Variants in GRIP2 observed in about 807,000 individuals in gnomAD.
GRIP2 encodes glutamate receptor interacting protein 2.
A neutral mutation model predicts 108.3 loss-of-function variants in GRIP2; 58 were observed. The ratio of observed to expected loss-of-function variants is 0.54; its 90% CI spans 0.43 to 0.67. The LOEUF (loss-of-function observed/expected upper bound fraction) is 0.67, where lower values mean the gene tolerates loss of function less well. Ranked by LOEUF, GRIP2 falls within the 30% of genes least tolerant of loss-of-function variation. The pLI is 0.00. For synonymous variants in GRIP2, 586 were observed against 598.2 expected (o/e 0.98, Z 0.30); for missense variants, 1,278 against 1,430.6 (o/e 0.89, Z 1.72).
chr3:14,537,269 G>C (rs750866079), intron 1 of GRIP2, among the ~76,000 whole-genome samples: 1 of 152,110 alleles, frequency 6.6e-6, no homozygotes, highest in Non-Finnish European at 1.5e-5. Context: ...CAGCTCCTTC[G>C]GGAACTTGTA....
chr3:14,582,564 A>T, the GRIP2 span, among the ~76,000 whole-genome samples: 1 of 152,208 alleles, frequency 6.6e-6, no homozygotes, highest in Non-Finnish European at 1.5e-5. Context: ...GGGCCAACAG[A>T]TATCTGCTTC....
intron 1 of GRIP2, among the ~76,000 whole-genome samples, chr3:14,539,206 G>T (rs1004335171): frequency 6.6e-6 from 1 of 152,348 alleles, no homozygotes; most frequent in East Asian, 1.9e-4. Context: ...AAGTGGCAGT[G>T]TAGTTATGAG....
intron 19 of GRIP2, among the ~76,000 whole-genome samples, chr3:14,506,566 G>T (rs541576818): frequency 2.6e-5 from 4 of 152,238 alleles, no homozygotes; most frequent in Admixed American, 6.5e-5. Context: ...CAGCCAGCAT[G>T]GGACCCATGG....
At chr3:14,542,169 T>G (rs1457460435), upstream of GRIP2, 2 of 892,680 alleles carry the variant, frequency 2.2e-6, no homozygotes, top group African/African-American at 1.8e-5. Flanking sequence ...TTTATTTTTT[T>G]TTGTGACACA....
chr3:14,495,067 G>A, intron 22 of GRIP2, 78 bp from the exon 23 acceptor site: 2 of 1,553,120 alleles, frequency 1.3e-6, no homozygotes, highest in Non-Finnish European at 1.7e-6. Context: ...AGGTCCTTTG[G>A]TCTGGCATTC....
chr3:14,574,419 G>GCTGCGGTGT, the GRIP2 span: 2 of 736,832 alleles, frequency 2.7e-6, no homozygotes, highest in Non-Finnish European at 4.8e-6. Context: ...GGGCTGCGAG[G>GCTGCGGTGT]CTGCGGTGTC....
chr3:14,517,747 A>G (rs1422588602), intron 10 of GRIP2, 25 bp downstream of exon 10: 1 of 1,608,656 alleles, frequency 6.2e-7, no homozygotes. Flanking sequence ...AGACTGGCTG[A>G]GCTACAGCAG....
the GRIP2 span, among the ~76,000 whole-genome samples, chr3:14,601,804 C>T: frequency 6.6e-6 from 1 of 152,298 alleles, no homozygotes; most frequent in East Asian, 1.9e-4. Context: ...GAAATGGAAA[C>T]TTTCCCACTA....
chr3:14,501,079 T>C lies in GRIP2; in HGVS notation c.2679+2487A>G, dbSNP rs138850328. 6.1e-3 allele frequency among the ~76,000 whole-genome samples: 931 copies of C among 152,290 alleles called. 6 individuals carry two copies. The highest frequency in any genetic ancestry group is 0.027 in the East Asian group (142 of 5,182). On this transcript the variant is annotated intron_variant, in intron 21 of 23. Coordinates refer to ENST00000621039, the MANE Select transcript of GRIP2 (RefSeq NM_001080423.4). ...TAAAAAGGGATGAAGTACTGACACATGCCACAACATGAAGCTAAGTGAAAA... is the reference window on the plus strand; with the variant it reads ...TAAAAAGGGATGAAGTACTGACACACGCCACAACATGAAGCTAAGTGAAAA...
chr3:14,520,760 C>G (rs900086454), intron 7 of GRIP2: 10 of 576,592 alleles, frequency 1.7e-5, no homozygotes, highest in African/African-American at 1.3e-4. Context: ...GAGCTCAGGT[C>G]TGAGGGGCTG....
chr3:14,555,521 G>C (rs1051742219), intron 1 of GRIP2, among the ~76,000 whole-genome samples: 3 of 152,062 alleles, frequency 2.0e-5, no homozygotes, highest in African/African-American at 7.2e-5. Context: ...GCAGAGGCGG[G>C]GGCAGAGAAC....
the GRIP2 span, among the ~76,000 whole-genome samples, chr3:14,569,376 A>C: frequency 1.3e-5 from 2 of 152,190 alleles, no homozygotes; most frequent in African/African-American, 4.8e-5. Flanking sequence ...AGGCCAGGAG[A>C]GAGGGCACAT....
the GRIP2 span, chr3:14,574,410 G>GGCT: frequency 8.1e-6 from 6 of 743,052 alleles, no homozygotes; most frequent in Non-Finnish European, 1.2e-5. Context: ...CCGCACCTTG[G>GGCT]GCTGCGAGGC....
At chr3:14,583,882 C>G in the GRIP2 span, among the ~76,000 whole-genome samples, 1 of 152,200 alleles carries the variant, frequency 6.6e-6, no homozygotes, top group Non-Finnish European at 1.5e-5. Context: ...AGGGGCCACA[C>G]CAGCAAAGCC....
At chr3:14,590,790 G>C in the GRIP2 span, among the ~76,000 whole-genome samples, 4 of 152,238 alleles carry the variant, frequency 2.6e-5, no homozygotes, top group African/African-American at 4.8e-5. Flanking sequence ...AGTGTATAAA[G>C]GGGCTGGGTG....
chr3:14,573,356 T>C, the GRIP2 span: 15 of 1,345,494 alleles, frequency 1.1e-5, no homozygotes, highest in African/African-American at 1.7e-4. Context: ...GGTGCCACCC[T>C]GCCAGCTTCT....
the GRIP2 span, among the ~76,000 whole-genome samples, chr3:14,577,130 G>C: frequency 2.0e-5 from 3 of 152,108 alleles, no homozygotes; most frequent in African/African-American, 7.2e-5. Context: ...TTTAATGTTG[G>C]CATGGAGATT....
At chr3:14,554,604 C>T (rs1397419019) in intron 1 of GRIP2, among the ~76,000 whole-genome samples, 1 of 152,170 alleles carries the variant, frequency 6.6e-6, no homozygotes, top group East Asian at 1.9e-4. Flanking sequence ...CACCAGCTGC[C>T]CTGAGGCCAG....
At chr3:14,597,335 A>G in the GRIP2 span, among the ~76,000 whole-genome samples, 1 of 152,308 alleles carries the variant, frequency 6.6e-6, no homozygotes, top group South Asian at 2.1e-4. Context: ...GGGGAAAAAA[A>G]ATCCCCATTA....
Sources: allele counts gnomAD v4.1 joint callset (sites outside exome capture counted in the v4.1 genomes callset), GRCh38; gene constraint gnomAD v4.1.1; transcripts MANE v1.5; gene names NCBI Gene and HGNC (gene_info 2026-07-23, HGNC 2026-07-21).